The following OSBP2 variants were observed in gnomAD, a reference collection of about 807,000 sequenced individuals.
OSBP2 encodes oxysterol binding protein 2.
A neutral mutation model predicts 96.0 loss-of-function variants in OSBP2; 66 were observed. The ratio of observed to expected loss-of-function variants is 0.69; its 90% CI spans 0.56 to 0.84. The LOEUF is 0.84. Ranked by LOEUF, OSBP2 falls within the 40% of genes least tolerant of loss-of-function variation. OSBP2 has a pLI of 0.00. For synonymous variants in OSBP2, 525 were observed against 520.9 expected, an observed-to-expected ratio of 1.01 and a Z score of -0.11; for missense variants, 1,038 against 1,222.7, an observed-to-expected ratio of 0.85 and a Z score of 2.25.
At chr22:30,704,890 G>C (rs1241845811) in intron 1 of OSBP2, among the ~76,000 whole-genome samples, 1 of 152,228 alleles carries the variant, frequency 6.6e-6, no homozygotes, top group Non-Finnish European at 1.5e-5. Flanking sequence ...AAGCAGGCCT[G>C]TCAAAGGACG....
intron 12 of OSBP2, among the ~76,000 whole-genome samples, chr22:30,900,227 C>A (rs1006866555): frequency 2.0e-5 from 3 of 150,902 alleles, no homozygotes; most frequent in African/African-American, 7.3e-5. Flanking sequence ...GCACTCCAGC[C>A]TGGGCAACAA....
At position 30,888,299 on chromosome 22, in the gene OSBP2, C is replaced by T. The variant is rs992718204; in HGVS notation, c.1377C>T (p.Ser459=). Residue 459 remains serine, a synonymous_variant, in exon 5 of 14, where the codon TCC becomes TCT. Coordinates refer to ENST00000332585, the MANE Select transcript of OSBP2 (RefSeq NM_030758.4). The part of the protein sequence containing the change: ...DTEYFDAMED[S]TSFITVITEA... ...AGTACTTTGATGCCATGGAAGACTC[C>T]ACATCCTTCATCACCGTGATCACCG... 9 of 1,613,708 alleles carry T rather than the reference C, an allele frequency of 5.6e-6. No homozygotes were observed. Among genetic ancestry groups the T allele is most frequent in the Non-Finnish European group, 7.6e-6 (9 of 1,179,756 alleles).
intron 2 of OSBP2, among the ~76,000 whole-genome samples, chr22:30,869,672 A>T (rs868207989): frequency 6.6e-6 from 1 of 152,138 alleles, no homozygotes. Context: ...GGTAGCTGGG[A>T]CCATCAGCAT....
At position 30,695,549 on chromosome 22, in the gene OSBP2, T is replaced by C; in HGVS notation, c.640T>C (p.Tyr214His). 1 of 1,606,074 alleles carries C rather than the reference T, an allele frequency of 6.2e-7. No homozygotes were observed. The highest frequency in any genetic ancestry group is 8.5e-7 in the Non-Finnish European group (1 of 1,178,910). The change falls in exon 1 of 14, where the codon TAC (tyrosine) becomes CAC (histidine). Residue 214 changes from tyrosine (Y) to histidine (H), a missense_variant. Tyr to His is a moderately conservative substitution (Grantham distance 83). Around this residue, in one of 3 missense-constraint regions of OSBP2, gnomAD observed 281 missense variants for 273.4 expected, o/e 1.03. Transcript: ENST00000332585. ...FVLGNGLLSYYRNQGEMAHTC... is the reference protein window; with the variant it reads ...FVLGNGLLSYHRNQGEMAHTC... The stretch of plus-strand genomic sequence containing the variant: ...GCTGGGCAATGGTTTGCTCTCTTAC[T>C]ACAGGTATGGAAGCGCCAGGGTGGG...
intron 3 of OSBP2, among the ~76,000 whole-genome samples, chr22:30,885,887 C>T (rs2039799367): frequency 6.6e-6 from 1 of 152,194 alleles, no homozygotes; most frequent in Non-Finnish European, 1.5e-5. Flanking sequence ...GGAGGCCAAC[C>T]AAGGTGGGTG....
chr22:30,859,610 A>G (rs1330674257), intron 2 of OSBP2, among the ~76,000 whole-genome samples: 1 of 152,208 alleles, frequency 6.6e-6, no homozygotes, highest in Non-Finnish European at 1.5e-5. Context: ...CGAGGGCTGA[A>G]AAAAGGGCCT....
At chr22:30,794,549 G>T (rs553693719) in intron 2 of OSBP2, among the ~76,000 whole-genome samples, 2 of 151,426 alleles carry the variant, frequency 1.3e-5, no homozygotes, top group East Asian at 4.0e-4. Context: ...ACAGGCGTGA[G>T]CCACCACGCC....
Position 30,905,954 on chromosome 22 carries a change from G to T in OSBP2, c.2493G>T (p.Lys831Asn). Residue 831 changes from lysine to asparagine, a missense_variant, in exon 13 of 14, where the codon AAG becomes AAT. By Grantham distance (94) the Lys-to-Asn change is moderately conservative. This residue lies in a region of OSBP2 where 737 missense variants were observed against 913.3 expected (regional missense o/e 0.81). Transcript: ENST00000332585. ...GGCCCGACCAGCGGCTGATGGAGAA[G>T]GGCCGTTGGGACGAGGCCAATACCG... Reference protein sequence around the residue: ...RLRPDQRLMEKGRWDEANTEK... With the variant: ...RLRPDQRLMENGRWDEANTEK... The T allele has an allele frequency of 6.2e-7, 1 of 1,611,672 alleles. No homozygotes were observed. Among genetic ancestry groups the T allele is most frequent in the East Asian group, 2.2e-5 (1 of 44,812 alleles).
chr22:30,889,691 G>T, intron 7 of OSBP2, 55 bp downstream of exon 7: 2 of 1,566,286 alleles, frequency 1.3e-6, no homozygotes, highest in Non-Finnish European at 1.8e-6. Context: ...GCTTTCCTGT[G>T]CGTGGATGAG....
chr22:30,888,022 C>T (rs530891551), intron 4 of OSBP2, among the ~76,000 whole-genome samples: 4 of 152,180 alleles, frequency 2.6e-5, no homozygotes, highest in South Asian at 2.1e-4. Context: ...GGCTCCTGTG[C>T]GGTGAATGCG....
At chr22:30,853,911 C>A (rs1289254524) in intron 2 of OSBP2, among the ~76,000 whole-genome samples, 1 of 152,094 alleles carries the variant, frequency 6.6e-6, no homozygotes, top group East Asian at 1.9e-4. Flanking sequence ...AGGCGCCCGC[C>A]ACCATGCCCG....
intron 3 of OSBP2, among the ~76,000 whole-genome samples, chr22:30,882,215 G>A (rs977234714): frequency 2.0e-5 from 3 of 152,194 alleles, no homozygotes; most frequent in South Asian, 4.1e-4. Flanking sequence ...TCTGTTGCTT[G>A]GACAGGGTTA....
At chr22:30,741,125 G>C in intron 1 of OSBP2, 36 bp from the exon 2 acceptor site, 2 of 1,528,866 alleles carry the variant, frequency 1.3e-6, no homozygotes, top group Non-Finnish European at 1.8e-6. Context: ...ATTGAGATTA[G>C]GAGCCTCACC....
chr22:30,859,094 A>AAT, intron 2 of OSBP2, among the ~76,000 whole-genome samples: 1 of 151,882 alleles, frequency 6.6e-6, no homozygotes, highest in Non-Finnish European at 1.5e-5. Context: ...CCTCTGTCTC[A>AAT]GCTTGCGCTC....
In OSBP2 at chr22:30,778,169, C is replaced by CTTTTTTTTTTTTTTT. The variant is rs1569119423; in HGVS notation, c.853+36800_853+36801insTTTTTTTTTTTTTTT. Reference sequence around the variant, plus strand: ...ACCAGCATGCCCGGCTAATTTTTGCCCTTTTTTTTTTTTTTTTTTTTAGTA... The same window carrying CTTTTTTTTTTTTTTT: ...ACCAGCATGCCCGGCTAATTTTTGCCTTTTTTTTTTTTTTTCTTTTTTTTTTTTTTTTTTTTAGTA... On this transcript the variant is annotated intron_variant, in intron 2 of 13. Transcript: ENST00000332585. Among the ~76,000 whole-genome samples the CTTTTTTTTTTTTTTT allele has an allele frequency of 6.1e-3, 761 of 124,062 alleles. 136 individuals are homozygous for CTTTTTTTTTTTTTTT. The highest frequency in any genetic ancestry group is 8.4e-3 in the Non-Finnish European group (500 of 59,876). 81.4% of individuals were successfully genotyped at this position (124,062 alleles called of 152,430 possible).
At chr22:30,798,794 C>T (rs2090802770) in intron 2 of OSBP2, among the ~76,000 whole-genome samples, 1 of 151,980 alleles carries the variant, frequency 6.6e-6, no homozygotes, top group Non-Finnish European at 1.5e-5. Flanking sequence ...AGGCAGATCA[C>T]CTGAGGTCAG....
intron 2 of OSBP2, among the ~76,000 whole-genome samples, chr22:30,818,188 G>A (rs866163879): frequency 1.8e-4 from 28 of 152,228 alleles, no homozygotes; most frequent in African/African-American, 5.5e-4. Flanking sequence ...ATGAGCTACC[G>A]TGCCCAGCCA....
At position 30,895,608 on chromosome 22, in the gene OSBP2, C is replaced by CAT. The variant is rs1490537914; in HGVS notation, c.2375+1608_2375+1609insTA. Among the ~76,000 whole-genome samples, 214 of 152,246 alleles carry CAT rather than the reference C, an allele frequency of 1.4e-3. 9 individuals carry two copies. In the East Asian group the frequency reaches 0.037, roughly 26 times the overall value. On this transcript the variant is annotated intron_variant, in intron 12 of 13. Transcript: ENST00000332585. ...ATATGGGGCCATATCCTTAGGCACG[C>CAT]AGCCTCGGAAGTTTTGCCACACAAA...
Position 30,871,569 on chromosome 22 carries a change from G to C in OSBP2, c.1107+887G>C, listed in dbSNP as rs1390052742. On this transcript the variant is annotated intron_variant, in intron 3 of 13. Transcript: ENST00000332585. This position sits in a 1 kb window ranked among gnomAD's most constrained non-coding sequence, Gnocchi z 4.7. ...GCTGTACAGAAATGGAGGCCGCAGA[G>C]GAAGAAGTGAGGTCCAGAGAAGGGG... 3.3e-5 allele frequency among the ~76,000 whole-genome samples: 5 copies of C among 152,204 alleles called. No individual in the cohort carries two copies. The East Asian group carries it at 5.8e-4, about 18-fold the overall frequency.
Sources: allele counts gnomAD v4.1 joint callset (sites outside exome capture counted in the v4.1 genomes callset), GRCh38; gene constraint gnomAD v4.1.1; regional missense constraint gnomAD v4.1.1; non-coding constraint Gnocchi (gnomAD v3.1); transcripts MANE v1.5; gene names NCBI Gene and HGNC (gene_info 2026-07-23, HGNC 2026-07-21).